The following BRD4 variants were observed in gnomAD, a reference collection of about 807,000 sequenced individuals.
The protein encoded by BRD4 is bromodomain containing 4, also known as bromodomain-containing protein 4.
In BRD4, 16 loss-of-function variants were observed where a neutral mutation model predicts 142.1. That is an observed-to-expected ratio of 0.11 (90% CI 0.08 to 0.17). BRD4 has a LOEUF of 0.17. Among genes scored for constraint, BRD4 ranks in the 10% least tolerant of loss-of-function variants. The pLI, the probability that BRD4 is intolerant of heterozygous loss-of-function variation, is 1.00. For missense variants in BRD4, 1,424 were observed against 1,810.9 expected, an observed-to-expected ratio of 0.79 and a Z score of 3.88; for synonymous variants, 833 against 707.5, an observed-to-expected ratio of 1.18 and a Z score of -2.82.
intron 1 of BRD4, among the ~76,000 whole-genome samples, chr19:15,293,194 C>T (rs943510872): frequency 1.3e-5 from 2 of 152,062 alleles, no homozygotes; most frequent in Non-Finnish European, 2.9e-5. Context: ...ATATAAAAAC[C>T]GAAGCTAAAA....
intron 1 of BRD4, among the ~76,000 whole-genome samples, chr19:15,313,335 T>A (rs1360438153): frequency 1.4e-5 from 2 of 144,392 alleles, no homozygotes; most frequent in Non-Finnish European, 3.0e-5. Flanking sequence ...ATCGTGCCAC[T>A]TCACTCCAGC....
intron 1 of BRD4, chr19:15,275,525 G>T (rs1342242874): frequency 1.3e-5 from 2 of 152,184 alleles, no homozygotes; most frequent in African/African-American, 4.8e-5. Flanking sequence ...CACATCAGAA[G>T]TGTCCAACAC....
At chr19:15,300,929 G>T (rs1338351659) in intron 1 of BRD4, among the ~76,000 whole-genome samples, 1 of 152,198 alleles carries the variant, frequency 6.6e-6, no homozygotes, top group Non-Finnish European at 1.5e-5. Context: ...TCACTTGCAG[G>T]TCTTTAACCA....
At chr19:15,252,735 A>T (rs1227921792) in intron 11 of BRD4, among the ~76,000 whole-genome samples, 1 of 152,230 alleles carries the variant, frequency 6.6e-6, no homozygotes, top group Non-Finnish European at 1.5e-5. Flanking sequence ...GGCATTCTGC[A>T]TGCAGTTGTG....
At chr19:15,330,223 G>C (rs1437717543) in intron 1 of BRD4, among the ~76,000 whole-genome samples, 1 of 152,202 alleles carries the variant, frequency 6.6e-6, no homozygotes, top group Non-Finnish European at 1.5e-5. Flanking sequence ...GCTAACTCCA[G>C]TTTGAGCCTT....
intron 1 of BRD4, among the ~76,000 whole-genome samples, chr19:15,300,873 T>C (rs368750888): frequency 6.6e-6 from 1 of 152,030 alleles, no homozygotes; most frequent in East Asian, 1.9e-4. Flanking sequence ...CATCTGAGAG[T>C]TTCCTGTAAA....
chr19:15,314,157 A>C (rs943997530), intron 1 of BRD4, among the ~76,000 whole-genome samples: 10 of 152,148 alleles, frequency 6.6e-5, no homozygotes, highest in African/African-American at 2.4e-4. Flanking sequence ...CACATTTTCC[A>C]CACACAAATA....
At position 15,243,389 on chromosome 19, in the gene BRD4, AGGCTGGTGACAC is replaced by A. The variant is rs2047256874; in HGVS notation, c.2668_2679del (p.Val890_Ala893del). On this transcript the variant is annotated inframe_deletion, in exon 14 of 20. Transcript: ENST00000679869. ...TGTGGGAGCAGGGGTGTTTGGGTCA[AGGCTGGTGACAC>A]GGCTGGGGGCCGGGCGGGCTTGGGA... The A allele has an allele frequency of 6.7e-7, 1 of 1,500,746 alleles. No individual in the cohort carries two copies. Among genetic ancestry groups the A allele is most frequent in the Admixed American group, 2.2e-5 (1 of 45,270 alleles). 93.0% of individuals were successfully genotyped at this position (1,500,746 alleles called of 1,614,324 possible).
chr19:15,322,111 A>T (rs1365915550), intron 1 of BRD4, among the ~76,000 whole-genome samples: 1 of 152,226 alleles, frequency 6.6e-6, no homozygotes, highest in African/African-American at 2.4e-5. Context: ...TGACCCCCCC[A>T]TAAGAAACAC....
intron 7 of BRD4, among the ~76,000 whole-genome samples, chr19:15,262,756 T>C (rs917578607): frequency 6.6e-6 from 1 of 152,032 alleles, no homozygotes; most frequent in Admixed American, 6.6e-5. Flanking sequence ...GAAAAGATGA[T>C]GATGATAGTA....
At chr19:15,273,160 G>A (rs1235659289) in intron 1 of BRD4, 27 bp from the exon 2 acceptor site, 2 of 1,522,626 alleles carry the variant, frequency 1.3e-6, no homozygotes, top group South Asian at 1.3e-5. Context: ...GAGCCCCCGT[G>A]AGATATCAGT....
intron 5 of BRD4, among the ~76,000 whole-genome samples, chr19:15,265,092 T>A (rs563595947): frequency 6.6e-6 from 1 of 152,286 alleles, no homozygotes; most frequent in Admixed American, 6.5e-5. Flanking sequence ...TCAGAGACTA[T>A]TTAGATGGCC....
At chr19:15,331,399 C>A (rs2048156861) in intron 1 of BRD4, among the ~76,000 whole-genome samples, 1 of 152,192 alleles carries the variant, frequency 6.6e-6, no homozygotes, top group African/African-American at 2.4e-5. Flanking sequence ...CACATCCCCA[C>A]CCCAAATCAC....
chr19:15,305,498 T>C (rs540841484), intron 1 of BRD4, among the ~76,000 whole-genome samples: 1 of 152,362 alleles, frequency 6.6e-6, no homozygotes, highest in African/African-American at 2.4e-5. Flanking sequence ...TGTAATATTT[T>C]GAAAAATATT....
chr19:15,260,518 A>C (rs532563279), intron 7 of BRD4, among the ~76,000 whole-genome samples: 1 of 152,214 alleles, frequency 6.6e-6, no homozygotes, highest in Admixed American at 6.5e-5. Context: ...TCTGTTGCTC[A>C]AACAGAAACA....
chr19:15,270,741 T>TA (rs2047578247), intron 2 of BRD4, among the ~76,000 whole-genome samples: 1 of 152,110 alleles, frequency 6.6e-6, no homozygotes. Flanking sequence ...AGGGTGGCCT[T>TA]ATTAACATCT....
intron 1 of BRD4, among the ~76,000 whole-genome samples, chr19:15,313,008 G>A (rs915474252): frequency 6.6e-6 from 1 of 151,968 alleles, no homozygotes; most frequent in Admixed American, 6.6e-5. Context: ...GAGGGTGGAG[G>A]TTGCCATGAG....
chr19:15,259,937 C>T (rs981141620), intron 7 of BRD4, among the ~76,000 whole-genome samples: 5 of 152,242 alleles, frequency 3.3e-5, no homozygotes, highest in African/African-American at 9.6e-5. Context: ...TCAAGATGCA[C>T]CGAGGCAAGC....
At chr19:15,245,525 G>A (rs377088670) in intron 11 of BRD4, among the ~76,000 whole-genome samples, 6 of 152,166 alleles carry the variant, frequency 3.9e-5, no homozygotes, top group African/African-American at 7.2e-5. Context: ...GTGGGCCGAC[G>A]GCTTGGCACC....
Sources: allele counts gnomAD v4.1 joint callset (sites outside exome capture counted in the v4.1 genomes callset), GRCh38; gene constraint gnomAD v4.1.1; transcripts MANE v1.5; gene names NCBI Gene and HGNC (gene_info 2026-07-23, HGNC 2026-07-21).